ASCL3: variants seen among roughly 807,000 people sequenced by gnomAD.
The protein encoded by ASCL3 is achaete-scute family bHLH transcription factor 3, also known as achaete-scute homolog 3.
In ASCL3, 1 loss-of-function variant was observed where a neutral mutation model predicts 2.3. That is an observed-to-expected ratio of 0.44 (90% CI 0.16 to 2.10). The LOEUF is 2.10. Among genes scored for constraint, ASCL3 ranks in the 30% most tolerant of loss-of-function variants. ASCL3 has a pLI of 0.28. For synonymous variants in ASCL3, 98 were observed against 88.5 expected, an observed-to-expected ratio of 1.11 and a Z score of -0.60; for missense variants, 243 against 229.0, an observed-to-expected ratio of 1.06 and a Z score of -0.40.
At position 8,938,130 on chromosome 11, in the gene ASCL3, G is replaced by A; in HGVS notation, c.32C>T (p.Pro11Leu). 6.2e-7 allele frequency: 1 copy of A among 1,609,616 alleles called. No homozygotes were observed. ...ATCAGGGAAGATAGGAAGTTTGTCA[G>A]GTAGACTAGAGTTGCCTCTGTTGTC... MMDNRGNSSL[P>L]DKLPIFPDSA... The change falls in exon 2 of 2, where the codon CCT becomes CTT. Residue 11 changes from proline to leucine, a missense_variant. Physicochemically the swap from Pro to Leu is moderately conservative, Grantham distance 98. Transcript: ENST00000531618.
Position 8,938,023 on chromosome 11 carries a change from A to G in ASCL3, c.139T>C (p.Ser47Pro), listed in dbSNP as rs377109433. Reference sequence around the variant, plus strand: ...CGTGGCAGCTCCTCAGAGTAAGGGGATGACACCGGGGCCTCTGGGTGCACG... The same window carrying G: ...CGTGGCAGCTCCTCAGAGTAAGGGGGTGACACCGGGGCCTCTGGGTGCACG... ...FHVHPEAPVSSPYSEELPRLP... is the reference protein window; with the variant it reads ...FHVHPEAPVSPPYSEELPRLP... The change falls in exon 2 of 2, where the codon TCC becomes CCC. Residue 47 changes from serine (S) to proline (P), a missense_variant. Ser to Pro is a moderately conservative substitution (Grantham distance 74). Transcript: ENST00000531618. 1.9e-6 allele frequency: 3 copies of G among 1,613,874 alleles called. No individual in the cohort carries two copies. Among genetic ancestry groups the G allele is most frequent in the Non-Finnish European group, 2.5e-6 (3 of 1,179,958 alleles).
chr11:8,942,035 G>C (rs1853705636), intron 1 of ASCL3, among the ~76,000 whole-genome samples: 1 of 152,014 alleles, frequency 6.6e-6, no homozygotes, highest in African/African-American at 2.4e-5. Context: ...TACAAAAATC[G>C]TTCTTTTGGT....
chr11:8,939,035 G>A (rs1457335522), intron 1 of ASCL3, among the ~76,000 whole-genome samples: 2 of 151,340 alleles, frequency 1.3e-5, no homozygotes, highest in African/African-American at 4.9e-5. Flanking sequence ...AAATTCCTGA[G>A]CTCAAGCAAC....
intron 1 of ASCL3, among the ~76,000 whole-genome samples, chr11:8,939,687 A>G (rs1026250262): frequency 1.3e-5 from 2 of 152,194 alleles, no homozygotes; most frequent in African/African-American, 4.8e-5. Flanking sequence ...GAAAGGCTGA[A>G]ACACCAAAAT....
At chr11:8,939,049 C>T (rs1265211478) in intron 1 of ASCL3, among the ~76,000 whole-genome samples, 1 of 151,958 alleles carries the variant, frequency 6.6e-6, no homozygotes, top group African/African-American at 2.4e-5. Flanking sequence ...AAGCAACCCG[C>T]CTGCCTCAGC....
At chr11:8,942,550 A>T (rs1589940403) in intron 1 of ASCL3, among the ~76,000 whole-genome samples, 1 of 152,188 alleles carries the variant, frequency 6.6e-6, no homozygotes, top group African/African-American at 2.4e-5. Flanking sequence ...TCTTAATGAT[A>T]AAATTGTAAG....
At position 8,938,061 on chromosome 11, in the gene ASCL3, A is replaced by G. The variant is rs934269240; in HGVS notation, c.101T>C (p.Met34Thr). 1.2e-6 allele frequency: 2 copies of G among 1,614,044 alleles called. No individual in the cohort carries two copies. Among genetic ancestry groups the G allele is most frequent in the South Asian group, 1.1e-5 (1 of 91,070 alleles). Reference sequence around the variant, plus strand: ...CTCTGGGTGCACGTGGAAAGTGACCATGGGCTCCAGATAGAAGGACCTGGT... The same window carrying G: ...CTCTGGGTGCACGTGGAAAGTGACCGTGGGCTCCAGATAGAAGGACCTGGT... ...PLTRSFYLEP[M>T]VTFHVHPEAP... The change falls in exon 2 of 2, where the codon ATG becomes ACG. Residue 34 changes from methionine (M) to threonine (T), a missense_variant. By Grantham distance (81) the Met-to-Thr change is moderately conservative. Transcript: ENST00000531618.
rs1348403445 is a variant in ASCL3, at chr11:8,937,979, G to A, written c.183C>T (p.Asp61=). The A allele has an allele frequency of 1.2e-6, 2 of 1,613,932 alleles. No homozygotes were observed. Among genetic ancestry groups the A allele is most frequent in the African/African-American group, 1.3e-5 (1 of 74,930 alleles). ...CACTGTAATTTCCCAGGATAAGAGA[G>A]TCGCTGGGAAAAGGCAGCCGTGGCA... ...EELPRLPFPS[D]SLILGNYSEP... is the part of the protein sequence containing the mutation. Residue 61 remains aspartate (D), a synonymous_variant, in exon 2 of 2, where the codon GAC becomes GAT. Coordinates refer to ENST00000531618, the MANE Select transcript of ASCL3 (RefSeq NM_020646.3).
chr11:8,938,799 C>CT (rs566272891), intron 1 of ASCL3, among the ~76,000 whole-genome samples: 3,097 of 130,308 alleles, frequency 0.024, 50 homozygotes, highest in Non-Finnish European at 0.037. Context: ...CACTAGAATT[C>CT]TTTTTTTTTT....
At chr11:8,941,201 A>G (rs983876488) in intron 1 of ASCL3, among the ~76,000 whole-genome samples, 2 of 152,252 alleles carry the variant, frequency 1.3e-5, no homozygotes, top group East Asian at 3.9e-4. Flanking sequence ...AAAATGGAGA[A>G]GGGAAAGCAG....
intron 1 of ASCL3, among the ~76,000 whole-genome samples, chr11:8,940,217 C>A (rs988502914): frequency 2.3e-5 from 3 of 127,850 alleles, no homozygotes; most frequent in African/African-American, 7.8e-5. Context: ...TTCAAAAGAT[C>A]TTCCCACAGC....
intron 1 of ASCL3, among the ~76,000 whole-genome samples, chr11:8,940,889 G>A (rs2742503): frequency 6.6e-6 from 1 of 152,156 alleles, no homozygotes; most frequent in African/African-American, 2.4e-5. Flanking sequence ...AAGTGTTTGA[G>A]AGGGTGTGTG....
chr11:8,941,111 G>A (rs1187486033), intron 1 of ASCL3, among the ~76,000 whole-genome samples: 1 of 152,004 alleles, frequency 6.6e-6, no homozygotes, highest in African/African-American at 2.4e-5. Context: ...AGAAAACCTG[G>A]TTTATGTTTT....
chr11:8,937,834 T>G lies in ASCL3; in HGVS notation c.328A>C (p.Asn110His). ...ERERQRVKCV[N>H]EGYAQLRHHL... ...TGGCGGAGCTGGGCGTAGCCTTCAT[T>G]GACACATTTCACCCGCTGCCTTTCC... Residue 110 changes from asparagine (N) to histidine (H), a missense_variant, in exon 2 of 2, where the codon AAT becomes CAT. Transcript: ENST00000531618. The G allele has an allele frequency of 6.2e-7, 1 of 1,614,136 alleles. No individual in the cohort carries two copies. Among genetic ancestry groups the G allele is most frequent in the South Asian group, 1.1e-5 (1 of 91,086 alleles).
At chr11:8,940,068 G>A (rs1037651258) in intron 1 of ASCL3, among the ~76,000 whole-genome samples, 18 of 151,948 alleles carry the variant, frequency 1.2e-4, no homozygotes, top group African/African-American at 4.1e-4. Context: ...ATCTCAAACT[G>A]CTGGGTTCAA....
chr11:8,937,886 T>C lies in ASCL3; in HGVS notation c.276A>G (p.Pro92=), dbSNP rs772527047. 6.2e-7 allele frequency: 1 copy of C among 1,614,016 alleles called. No individual in the cohort carries two copies. Among genetic ancestry groups the C allele is most frequent in the East Asian group, 2.2e-5 (1 of 44,894 alleles). The change falls in exon 2 of 2, where the codon CCA becomes CCG. Residue 92 remains proline, a synonymous_variant. Coordinates refer to ENST00000531618, the MANE Select transcript of ASCL3 (RefSeq NM_020646.3). The part of the protein sequence containing the change: ...NYRGCEYSYG[P]AFTRKRNERE... Reference sequence around the variant, plus strand: ...GCTCATTCCTTTTCCGGGTGAAGGCTGGCCCGTAGGAGTACTCGCACCCTC... The same window carrying C: ...GCTCATTCCTTTTCCGGGTGAAGGCCGGCCCGTAGGAGTACTCGCACCCTC...
chr11:8,937,931 C>G lies in ASCL3; in HGVS notation c.231G>C (p.Pro77=), dbSNP rs756036818. ...ACCCTCTGTAATTTGGATAAGGCAT[C>G]GGGAAAGAGAAGGGGCAGGGTTCAC... ...NYSEPCPFSF[P]MPYPNYRGCE... Residue 77 remains proline (P), a synonymous_variant, in exon 2 of 2, where the codon CCG becomes CCC. Transcript: ENST00000531618. 6.2e-7 allele frequency: 1 copy of G among 1,613,944 alleles called. No homozygotes were observed. Among genetic ancestry groups the G allele is most frequent in the East Asian group, 2.2e-5 (1 of 44,864 alleles).
intron 1 of ASCL3, among the ~76,000 whole-genome samples, chr11:8,940,942 G>A (rs1203266069): frequency 6.6e-6 from 1 of 152,098 alleles, no homozygotes; most frequent in Non-Finnish European, 1.5e-5. Flanking sequence ...TAAGGGAGTT[G>A]GACCTCTGTG....
intron 1 of ASCL3, 29 bp from the exon 2 acceptor site, chr11:8,938,202 G>T (rs2064689893): frequency 3.3e-6 from 5 of 1,505,616 alleles, no homozygotes; most frequent in Non-Finnish European, 2.7e-6. Flanking sequence ...TTAACAATGT[G>T]GTCAGATAGA....
Sources: gnomAD v4.1 joint callset for allele counts (sites outside exome capture counted in the v4.1 genomes callset) on GRCh38, gnomAD v4.1.1 for gene constraint, MANE v1.5 for transcripts, NCBI Gene and HGNC (gene_info 2026-07-23, HGNC 2026-07-21) for gene names.